MIOS: variants seen among roughly 807,000 people sequenced by gnomAD.
MIOS encodes the protein GATOR2 complex protein MIOS.
MIOS carries 52 observed loss-of-function variants against 96.9 expected under a neutral mutation model. The ratio of observed to expected loss-of-function variants is 0.54; its 90% confidence interval spans 0.43 to 0.68. The LOEUF is 0.68. Ranked by LOEUF, MIOS falls within the 30% of genes least tolerant of loss-of-function variation. The probability of loss-of-function intolerance (pLI) is 0.00; values close to 1 mark genes in which losing one functional copy is unlikely to be tolerated. For synonymous variants in MIOS, 397 were observed against 359.5 expected (o/e 1.10, Z -1.18); for missense variants, 1,005 against 1,052.8 (o/e 0.95, Z 0.63).
chr7:7,578,710 T>TG (rs1783614759), intron 5 of MIOS, among the ~76,000 whole-genome samples: 1 of 152,104 alleles, frequency 6.6e-6, no homozygotes, highest in Admixed American at 6.5e-5. Context: ...GTTTAAATCC[T>TG]AATTTTTTTT....
intron 11 of MIOS, among the ~76,000 whole-genome samples, chr7:7,598,864 C>G (rs2115480186): frequency 6.6e-6 from 1 of 152,222 alleles, no homozygotes; most frequent in East Asian, 1.9e-4. Context: ...GAATAGCACT[C>G]AGGTTTATCA....
In MIOS at chr7:7,572,217, A is replaced by G. The variant is rs1034967065; in HGVS notation, c.-40-219A>G. 9.9e-5 allele frequency among the ~76,000 whole-genome samples: 15 copies of G among 152,194 alleles called. No homozygotes were observed. The highest frequency in any genetic ancestry group is 2.1e-4 in the Non-Finnish European group (14 of 68,028). ...GAAATATAGCCAGGATGGGATTCTC[A>G]GATTCCTACCAGCTCATTTTATTGG... On this transcript the variant is annotated intron_variant, in intron 3 of 12. Coordinates refer to ENST00000340080, the MANE Select transcript of MIOS (RefSeq NM_019005.4). This position sits in a 1 kb window ranked among gnomAD's most constrained non-coding sequence, Gnocchi z 4.8.
chr7:7,569,102 A>G (rs1484893839), intron 3 of MIOS, among the ~76,000 whole-genome samples: 3 of 152,220 alleles, frequency 2.0e-5, no homozygotes, highest in Non-Finnish European at 4.4e-5. Context: ...TGATTTTTCA[A>G]TGAGATGGGA....
intron 3 of MIOS, among the ~76,000 whole-genome samples, chr7:7,569,668 A>G (rs866299714): frequency 2.6e-5 from 4 of 152,242 alleles, no homozygotes; most frequent in South Asian, 4.1e-4. Context: ...TGGAGTGTAT[A>G]ATCCAGTAGA....
intron 7 of MIOS, 147 bp from the exon 8 acceptor site, chr7:7,588,351 A>T: frequency 2.3e-6 from 1 of 426,526 alleles, no homozygotes; most frequent in South Asian, 8.8e-5. Flanking sequence ...CATCTCAGGC[A>T]ATTAATGGCT....
intron 9 of MIOS, among the ~76,000 whole-genome samples, chr7:7,591,837 TA>T (rs1266065664): frequency 2.6e-5 from 4 of 152,144 alleles, no homozygotes; most frequent in African/African-American, 9.7e-5. Flanking sequence ...TTTCTTTAAA[TA>T]TTTTTTTCTG....
At chr7:7,589,301 TA>T (rs1158249146) in intron 8 of MIOS, 103 bp from the exon 9 acceptor site, 1 of 997,810 alleles carries the variant, frequency 1.0e-6, no homozygotes, top group African/African-American at 1.6e-5. Flanking sequence ...TCTTTTGTTT[TA>T]AAATGTTTTC....
chr7:7,607,220 C>A lies in MIOS; in HGVS notation c.*128C>A. 1.6e-6 allele frequency: 1 copy of A among 634,298 alleles called. No individual in the cohort carries two copies. Among genetic ancestry groups the A allele is most frequent in the Non-Finnish European group, 2.6e-6 (1 of 381,240 alleles). The allele number at this position is 634,298 out of a possible 1,614,324, so 39.3% of individuals were successfully genotyped here. On this transcript the variant is annotated 3_prime_UTR_variant, in exon 13 of 13. Coordinates refer to ENST00000340080, the MANE Select transcript of MIOS (RefSeq NM_019005.4). ...GTAATGGGAAAATAAATCATTCTAT[C>A]AGATCAGCAGTTTTGATGTTTGAGT...
Position 7,567,690 on chromosome 7 carries a change from T to C in MIOS, c.-139+2T>C, listed in dbSNP as rs959988823. 4 of 152,170 alleles carry C rather than the reference T, an allele frequency of 2.6e-5. No homozygotes were observed. Among genetic ancestry groups the C allele is most frequent in the Non-Finnish European group, 5.9e-5 (4 of 68,040 alleles). 9.4% of individuals were successfully genotyped at this position (152,170 alleles called of 1,614,324 possible). On this transcript the variant is annotated splice_donor_variant, in intron 2 of 12. Transcript: ENST00000340080. LOFTEE classifies it low-confidence loss of function (5UTR_SPLICE). ...AAACCGCTCTCGTAATTTGCCACGG[T>C]AAGAAAAGTAAAAGACAACATCAAA... is the stretch of plus-strand genomic sequence containing the variant.
intron 7 of MIOS, 46 bp downstream of exon 7, chr7:7,585,851 A>C (rs1783871369): frequency 1.4e-6 from 2 of 1,466,878 alleles, no homozygotes. Flanking sequence ...TTAAGATAGG[A>C]GTTTTTATCT....
At chr7:7,597,319 C>T (rs1274379177) in intron 11 of MIOS, among the ~76,000 whole-genome samples, 1 of 103,820 alleles carries the variant, frequency 9.6e-6, no homozygotes, top group Admixed American at 1.2e-4. Flanking sequence ...GAGCAAGACT[C>T]TGTCCTAAAT....
rs1461446766 is a variant in MIOS, at chr7:7,575,079, C to T, written c.1393+883C>T. On this transcript the variant is annotated intron_variant, in intron 5 of 12. Transcript: ENST00000340080. The stretch of plus-strand genomic sequence containing the variant: ...CTTCAGTTTTCAGATTTGGGATGCT[C>T]ACCCTGTATCTCTGTGATCTAGGAT... Among the ~76,000 whole-genome samples, 7 of 152,178 alleles carry T rather than the reference C, an allele frequency of 4.6e-5. No homozygotes were observed. The East Asian group carries it at 1.4e-3, about 29-fold the overall frequency.
intron 9 of MIOS, among the ~76,000 whole-genome samples, chr7:7,591,693 C>A (rs1187364082): frequency 5.1e-4 from 78 of 151,876 alleles, no homozygotes; most frequent in Admixed American, 5.1e-3. Flanking sequence ...AAGATTTTTC[C>A]TTTACCTTTG....
At chr7:7,597,289 G>A (rs532000312) in intron 11 of MIOS, among the ~76,000 whole-genome samples, 139 of 150,272 alleles carry the variant, frequency 9.2e-4, no homozygotes, top group African/African-American at 2.5e-3. Flanking sequence ...TCATGCCACT[G>A]CACTCCAGCC....
intron 11 of MIOS, among the ~76,000 whole-genome samples, chr7:7,597,468 TTATATATATATATATATATATATATA>T (rs1160646084): frequency 2.6e-4 from 3 of 11,694 alleles, no homozygotes; most frequent in African/African-American, 1.4e-3. Flanking sequence ...CCTAGTAAAT[TTATATATATATATATATATATATATA>T]TATATATATA....
intron 9 of MIOS, 114 bp downstream of exon 9, chr7:7,589,677 G>A: frequency 8.8e-7 from 1 of 1,139,666 alleles, no homozygotes; most frequent in Non-Finnish European, 1.2e-6. Context: ...AAGGCATTTA[G>A]TTTTAACCTA....
In MIOS at chr7:7,572,683, C is replaced by A; in HGVS notation, c.208C>A (p.Leu70Ile). Residue 70 changes from leucine to isoleucine, a missense_variant, in exon 4 of 13, where the codon CTT (leucine) becomes ATT (isoleucine). Leu to Ile is a conservative substitution (Grantham distance 5). This residue lies in a region of MIOS where 137 missense variants were observed against 148.6 expected (regional missense o/e 0.92). Transcript: ENST00000340080. This position sits in a 1 kb window ranked among gnomAD's most constrained non-coding sequence, Gnocchi z 4.8. ...TPYMKCVAWY[L>I]NYDPECLLAV... is the part of the protein sequence containing the mutation. Reference sequence around the variant, plus strand: ...CTATATGAAATGTGTTGCCTGGTATCTTAATTATGATCCTGAATGTCTGCT... The same window carrying A: ...CTATATGAAATGTGTTGCCTGGTATATTAATTATGATCCTGAATGTCTGCT... The A allele has an allele frequency of 1.9e-6, 3 of 1,614,178 alleles. No homozygotes were observed. The highest frequency in any genetic ancestry group is 2.5e-6 in the Non-Finnish European group (3 of 1,180,018).
At chr7:7,595,428 T>C (rs1244134345) in intron 10 of MIOS, among the ~76,000 whole-genome samples, 1 of 152,226 alleles carries the variant, frequency 6.6e-6, no homozygotes, top group Admixed American at 6.5e-5. Context: ...ATTCCACTTG[T>C]GTATTAAGTT....
chr7:7,587,677 T>A (rs1023979089), intron 7 of MIOS, among the ~76,000 whole-genome samples: 5 of 152,156 alleles, frequency 3.3e-5, no homozygotes, highest in African/African-American at 9.7e-5. Context: ...AATCTAGTTA[T>A]ATGAAATATG....
Sources: allele counts gnomAD v4.1 joint callset (sites outside exome capture counted in the v4.1 genomes callset), GRCh38; gene constraint gnomAD v4.1.1; regional missense constraint gnomAD v4.1.1; non-coding constraint Gnocchi (gnomAD v3.1); transcripts MANE v1.5; gene names NCBI Gene and HGNC (gene_info 2026-07-23, HGNC 2026-07-21).